CEP164: variants seen among roughly 807,000 people sequenced by gnomAD.
CEP164 encodes the protein centrosomal protein of 164 kDa.
Under a neutral mutation model 182.7 loss-of-function variants are expected in CEP164, and 162 were observed. The ratio of observed to expected loss-of-function variants is 0.89; its 90% CI spans 0.78 to 1.01. The LOEUF is 1.01. Among genes scored for constraint, CEP164 ranks in the 50% least tolerant of loss-of-function variants. The pLI, the probability that CEP164 is intolerant of heterozygous loss-of-function variation, is 0.00. For missense variants in CEP164, 1,735 were observed against 1,790.4 expected, an observed-to-expected ratio of 0.97 and a Z score of 0.56; for synonymous variants, 661 against 690.0, an observed-to-expected ratio of 0.96 and a Z score of 0.66.
chr11:117,408,762 A>T, intron 28 of CEP164, 128 bp from the exon 29 acceptor site: 1 of 1,243,350 alleles, frequency 8.0e-7, no homozygotes, highest in Admixed American at 2.6e-5. Flanking sequence ...TTGCGTAAGA[A>T]AACCAGCTTA....
chr11:117,329,695 C>A (rs959970767), intron 1 of CEP164, among the ~76,000 whole-genome samples: 1 of 152,134 alleles, frequency 6.6e-6, no homozygotes, highest in Non-Finnish European at 1.5e-5. Flanking sequence ...GTGGGCACCA[C>A]AACTCCTGGC....
chr11:117,394,775 TG>T lies in CEP164; in HGVS notation c.2761-142del. 1.1e-6 allele frequency: 1 copy of T among 943,160 alleles called. No individual in the cohort carries two copies. The highest frequency in any genetic ancestry group is 1.6e-6 in the Non-Finnish European group (1 of 610,850). The allele number at this position is 943,160 out of a possible 1,614,324, so 58.4% of individuals were successfully genotyped here. A position where few individuals can be genotyped will look rare whatever the true frequency, so the allele number is the denominator to read the frequency against. On this transcript the variant is annotated intron_variant, in intron 21 of 32. Transcript: ENST00000278935. The surrounding 1 kb of genome is among the most constrained non-coding windows in gnomAD (Gnocchi z 4.0). ...AAGTAAACAAGGTGTGGAGCCTTCC[TG>T]GGAGGCTGCAGGGGCACACAGCGAG...
intron 1 of CEP164, among the ~76,000 whole-genome samples, chr11:117,330,258 C>T (rs116006647): frequency 0.027 from 4,091 of 152,182 alleles, 65 homozygotes; most frequent in African/African-American, 0.036. Context: ...CATGTGTTTA[C>T]GTGTTTGGCT....
intron 4 of CEP164, among the ~76,000 whole-genome samples, chr11:117,346,138 C>T (rs925998928): frequency 3.9e-5 from 6 of 152,172 alleles, no homozygotes; most frequent in Non-Finnish European, 7.3e-5. Flanking sequence ...CAGTACCTAG[C>T]TTGATGGATG....
intron 1 of CEP164, among the ~76,000 whole-genome samples, chr11:117,333,129 G>C (rs916042171): frequency 1.3e-5 from 2 of 151,728 alleles, no homozygotes; most frequent in African/African-American, 2.4e-5. Context: ...CCTCCCACCT[G>C]AGCCCCCCAA....
chr11:117,344,345 T>C, intron 4 of CEP164, 68 bp downstream of exon 4: 1 of 1,112,694 alleles, frequency 9.0e-7, no homozygotes, highest in Non-Finnish European at 1.3e-6. Context: ...ATACTGGAGA[T>C]CGGTTTGAAC....
intron 9 of CEP164, among the ~76,000 whole-genome samples, chr11:117,373,291 C>T (rs563641871): frequency 1.1e-3 from 163 of 151,782 alleles, no homozygotes; most frequent in African/African-American, 3.6e-3. Context: ...TGCTGGGACC[C>T]GGGAGGTGGA....
intron 5 of CEP164, among the ~76,000 whole-genome samples, chr11:117,352,407 C>T (rs2039757513): frequency 6.6e-6 from 1 of 152,072 alleles, no homozygotes; most frequent in Non-Finnish European, 1.5e-5. Flanking sequence ...GTGTGGGTTC[C>T]TTTTTTGTCT....
At chr11:117,391,787 T>C (rs2044689135) in intron 17 of CEP164, among the ~76,000 whole-genome samples, 1 of 152,208 alleles carries the variant, frequency 6.6e-6, no homozygotes, top group Non-Finnish European at 1.5e-5. Context: ...GCACTTGTAG[T>C]ACAGTGCACT....
intron 27 of CEP164, among the ~76,000 whole-genome samples, chr11:117,407,167 C>T (rs1035811210): frequency 2.0e-5 from 3 of 152,032 alleles, no homozygotes; most frequent in Non-Finnish European, 2.9e-5. Flanking sequence ...CCCGATGGCC[C>T]CTAGGACTGG....
At chr11:117,406,191 G>A (rs959988878) in intron 27 of CEP164, among the ~76,000 whole-genome samples, 2 of 152,216 alleles carry the variant, frequency 1.3e-5, no homozygotes, top group Non-Finnish European at 2.9e-5. Flanking sequence ...TGAACTTACA[G>A]TTCCACTGGG....
chr11:117,361,942 G>A lies in CEP164; in HGVS notation c.501G>A (p.Val167=), dbSNP rs770213078. The change falls in exon 6 of 33, where the codon GTG becomes GTA. Residue 167 remains valine, a synonymous_variant. Coordinates refer to ENST00000278935, the MANE Select transcript of CEP164 (RefSeq NM_014956.5). The part of the protein sequence containing the change: ...PPSALRGSQS[V]SLGSSVESGR... ...CTGCTCTTCGTGGATCTCAAAGCGT[G>A]AGCCTGGGGAGCTCAGTGGAGTCTG... 8.2e-5 allele frequency: 132 copies of A among 1,606,074 alleles called. No individual in the cohort carries two copies. The highest frequency in any genetic ancestry group is 1.0e-4 in the Non-Finnish European group (123 of 1,177,800).
chr11:117,373,440 C>T (rs959959679), intron 9 of CEP164, among the ~76,000 whole-genome samples: 9 of 152,082 alleles, frequency 5.9e-5, no homozygotes, highest in African/African-American at 9.7e-5. Flanking sequence ...CATCAGACTT[C>T]GGTACTGCCA....
At chr11:117,347,815 C>A (rs1484329703) in intron 4 of CEP164, among the ~76,000 whole-genome samples, 1 of 151,946 alleles carries the variant, frequency 6.6e-6, no homozygotes, top group Non-Finnish European at 1.5e-5. Flanking sequence ...TTAAACAATA[C>A]TTTCAACCCA....
At chr11:117,392,183 G>A (rs774463326) in intron 17 of CEP164, 43 bp from the exon 18 acceptor site, 1 of 1,523,982 alleles carries the variant, frequency 6.6e-7, no homozygotes, top group East Asian at 2.3e-5. Context: ...ACCATGATCA[G>A]TACCTGGCCA....
chr11:117,368,808 T>A (rs922930608), intron 8 of CEP164, among the ~76,000 whole-genome samples: 3 of 152,186 alleles, frequency 2.0e-5, no homozygotes, highest in Non-Finnish European at 4.4e-5. Flanking sequence ...GAAGTTTGTC[T>A]CCCTTCTCTT....
At chr11:117,340,847 C>G (rs994348990) in intron 3 of CEP164, among the ~76,000 whole-genome samples, 5 of 151,988 alleles carry the variant, frequency 3.3e-5, no homozygotes, top group Non-Finnish European at 5.9e-5. Flanking sequence ...CCTACTTTCT[C>G]TTTAGAGACG....
rs896675224 is a variant in CEP164 at position 117,409,134 on chromosome 11, C to G, written c.3748+106C>G. The G allele has an allele frequency of 2.8e-6, 4 of 1,447,640 alleles. No individual in the cohort carries two copies. The highest frequency in any genetic ancestry group is 2.8e-6 in the Non-Finnish European group (3 of 1,064,804). 89.7% of individuals were successfully genotyped at this position (1,447,640 alleles called of 1,614,324 possible). A position where few individuals can be genotyped will look rare whatever the true frequency, so the allele number is the denominator to read the frequency against. On this transcript the variant is annotated intron_variant, in intron 29 of 32. Transcript: ENST00000278935. The surrounding 1 kb of genome is among the most constrained non-coding windows in gnomAD (Gnocchi z 4.4). ...CCCTCAGCCCTGCAGAGGGAGGCCT[C>G]TGTGAGCCGGTGTCTGGACTAGGTG...
chr11:117,346,266 A>G (rs557330312), intron 4 of CEP164, among the ~76,000 whole-genome samples: 2 of 147,490 alleles, frequency 1.4e-5, no homozygotes, highest in South Asian at 2.2e-4. Context: ...AGTGTGAATT[A>G]TTTTTCACTT....
Sources: gnomAD v4.1 joint callset for allele counts (sites outside exome capture counted in the v4.1 genomes callset) on GRCh38, gnomAD v4.1.1 for gene constraint, Gnocchi (gnomAD v3.1) non-coding constraint, MANE v1.5 for transcripts, NCBI Gene and HGNC (gene_info 2026-07-23, HGNC 2026-07-21) for gene names.